The following MUS81 variants were observed in gnomAD, a reference collection of about 807,000 sequenced individuals.
MUS81 encodes MUS81 structure-specific endonuclease subunit.
MUS81 carries 69 observed loss-of-function variants against 74.2 expected under a neutral mutation model. The ratio of observed to expected loss-of-function variants is 0.93; its 90% CI spans 0.77 to 1.14. The LOEUF (loss-of-function observed/expected upper bound fraction) is 1.14. Among genes scored for constraint, MUS81 ranks in the 50% most tolerant of loss-of-function variants. The pLI, the probability that MUS81 is intolerant of heterozygous loss-of-function variation, is 0.00. For synonymous variants in MUS81, 303 were observed against 300.6 expected (o/e 1.01, Z -0.08); for missense variants, 711 against 726.5 (o/e 0.98, Z 0.25).
At chr11:65,865,929 A>G in intron 15 of MUS81, 35 bp downstream of exon 15, 2 of 1,614,048 alleles carry the variant, frequency 1.2e-6, no homozygotes, top group Non-Finnish European at 8.5e-7. Flanking sequence ...AGGGAGTGGC[A>G]GGGACTGGGG....
Position 65,860,788 on chromosome 11 carries a change from C to A in MUS81, c.35C>A (p.Pro12Gln), listed in dbSNP as rs1451830059. 1 of 1,538,928 alleles carries A rather than the reference C, an allele frequency of 6.5e-7. No individual in the cohort carries two copies. Among genetic ancestry groups the A allele is most frequent in the Admixed American group, 2.0e-5 (1 of 51,018 alleles). The change falls in exon 1 of 16, where the codon CCG becomes CAG. Residue 12 changes from proline to glutamine, a missense_variant. By Grantham distance (76) the Pro-to-Gln change is moderately conservative. Coordinates refer to ENST00000308110, the MANE Select transcript of MUS81 (RefSeq NM_025128.5). ...CCGGTCCGCCTGGGCCGGAAGCGCCCGCTGCCTGCCTGTCCCAACCCGCTC... is the reference window on the plus strand; with the variant it reads ...CCGGTCCGCCTGGGCCGGAAGCGCCAGCTGCCTGCCTGTCCCAACCCGCTC... ...AAPVRLGRKR[P>Q]LPACPNPLFV... is the part of the protein sequence containing the mutation.
Position 65,864,530 on chromosome 11 carries a change from G to T in MUS81, c.1093G>T (p.Val365Leu), listed in dbSNP as rs752782707. Residue 365 changes from valine to leucine, a missense_variant, in exon 11 of 16, where the codon GTA becomes TTA. Val to Leu is a conservative substitution (Grantham distance 32, BLOSUM62 1). Transcript: ENST00000308110. ...RLKRCGLERR[V>L]YLVEEHGSVH... ...GAAGCGCTGTGGTCTGGAGCGCCGG[G>T]TATACCTGGTGGAAGAGCATGGTTC... is the stretch of plus-strand genomic sequence containing the variant. The T allele has an allele frequency of 8.1e-6, 13 of 1,614,166 alleles. No individual in the cohort carries two copies. The highest frequency in any genetic ancestry group is 1.1e-5 in the Non-Finnish European group (13 of 1,180,026).
At chr11:65,860,315 T>C (rs1859536449), upstream of MUS81, 1 of 463,542 alleles carries the variant, frequency 2.2e-6, no homozygotes, top group Non-Finnish European at 4.3e-6. Flanking sequence ...TAAGAGACCT[T>C]AGAGCCGCCA....
At position 65,863,470 on chromosome 11, in the gene MUS81, G is replaced by C; in HGVS notation, c.807G>C (p.Val269=). 1 of 1,614,190 alleles carries C rather than the reference G, an allele frequency of 6.2e-7. No homozygotes were observed. The highest frequency in any genetic ancestry group is 8.5e-7 in the Non-Finnish European group (1 of 1,180,022). The change falls in exon 8 of 16, where the codon GTG becomes GTC. Residue 269 remains valine, a synonymous_variant. Coordinates refer to ENST00000308110, the MANE Select transcript of MUS81 (RefSeq NM_025128.5). ...AGCTGAGGCCTGGAGAGTACAGGGT[G>C]CTGTTGTGTGTGGACATTGGCGAGA... ...PLELRPGEYR[V]LLCVDIGETR...
Position 65,865,970 on chromosome 11 carries a change from G to A in MUS81, c.1590-16G>A, listed in dbSNP as rs751760801. 6 of 1,613,964 alleles carry A rather than the reference G, an allele frequency of 3.7e-6. No individual in the cohort carries two copies. In the Admixed American group the frequency reaches 8.3e-5, roughly 22 times the overall value. ...CTAGGCCCAGGGCGTGACCCTCGCT[G>A]CCTCTCTTCCTGCAGGAATCTGGGG... On this transcript the variant is annotated splice_polypyrimidine_tract_variant and intron_variant, in intron 15 of 15. Transcript: ENST00000308110.
At chr11:65,861,500 G>A (rs1156752302) in intron 3 of MUS81, 65 bp downstream of exon 3, 8 of 1,435,956 alleles carry the variant, frequency 5.6e-6, no homozygotes, top group Non-Finnish European at 7.6e-6. Context: ...TTCTGGCTTG[G>A]GGGATTTGGC....
In MUS81 at chr11:65,865,133, C is replaced by G. The variant is rs1322689193; in HGVS notation, c.1389C>G (p.Ala463=). 6.2e-7 allele frequency: 1 copy of G among 1,614,232 alleles called. No homozygotes were observed. Among genetic ancestry groups the G allele is most frequent in the South Asian group, 1.1e-5 (1 of 91,086 alleles). ...LLTFSDFNAG[A]IKNKAQSVRE... ...CCTTCAGTGACTTCAACGCAGGAGC[C>G]ATCAAGAATAAGGTACTGTCTCTGC... is the stretch of plus-strand genomic sequence containing the variant. Residue 463 remains alanine, a synonymous_variant, in exon 13 of 16, where the codon GCC becomes GCG. Transcript: ENST00000308110.
Position 65,862,196 on chromosome 11 carries a change from C to T in MUS81, c.451-15C>T. ...TGGCACTGAGCCTACCCTGTCTTTT[C>T]TACCTTGGTTTCAGAATCCTAATGG... is the stretch of plus-strand genomic sequence containing the variant. On this transcript the variant is annotated splice_polypyrimidine_tract_variant and intron_variant, in intron 4 of 15. Transcript: ENST00000308110. 5 of 1,613,188 alleles carry T rather than the reference C, an allele frequency of 3.1e-6. No homozygotes were observed. Among genetic ancestry groups the T allele is most frequent in the African/African-American group, 1.3e-5 (1 of 75,034 alleles).
Position 65,860,499 on chromosome 11 carries a change from G to T in MUS81, c.-255G>T. ...GCGCGTCTCAAAGGCTGGCTGGAGTGGAGCCAAGGGAAAAGATCGTTAGAG... is the reference window on the plus strand; with the variant it reads ...GCGCGTCTCAAAGGCTGGCTGGAGTTGAGCCAAGGGAAAAGATCGTTAGAG... On this transcript the variant is annotated 5_prime_UTR_variant, in exon 1 of 16. Transcript: ENST00000308110. The T allele has an allele frequency of 1.7e-6, 1 of 582,160 alleles. No individual in the cohort carries two copies. Among genetic ancestry groups the T allele is most frequent in the Non-Finnish European group, 3.1e-6 (1 of 324,022 alleles). 36.1% of individuals were successfully genotyped at this position (582,160 alleles called of 1,614,324 possible).
At position 65,864,852 on chromosome 11, in the gene MUS81, C is replaced by G. The variant is rs755756808; in HGVS notation, c.1272+37C>G. ...CCCCTTTCCCAGTGTCGGGACAGAG[C>G]CCACAAGGAATTCACCTTGCCTGGG... On this transcript the variant is annotated intron_variant, in intron 12 of 15. Coordinates refer to ENST00000308110, the MANE Select transcript of MUS81 (RefSeq NM_025128.5). 7 of 1,595,868 alleles carry G rather than the reference C, an allele frequency of 4.4e-6. No individual in the cohort carries two copies. The East Asian group carries it at 1.6e-4, about 36-fold the overall frequency.
chr11:65,867,110 A>G (rs201815777), downstream of MUS81: 56 of 1,612,420 alleles, frequency 3.5e-5, no homozygotes, highest in East Asian at 1.0e-3. Context: ...GGACATATAT[A>G]TTGTGTCAGC....
chr11:65,860,330 CA>C (rs943247947), upstream of MUS81: 41 of 466,394 alleles, frequency 8.8e-5, no homozygotes, highest in African/African-American at 7.9e-4. Context: ...CCGCCAAGCT[CA>C]GGTTAGTCCG....
At chr11:65,863,987 C>A in intron 10 of MUS81, 86 bp downstream of exon 10, 1 of 1,358,518 alleles carries the variant, frequency 7.4e-7, no homozygotes, top group Non-Finnish European at 1.0e-6. Flanking sequence ...CTTCTGGCAG[C>A]CTCCTTGAGG....
chr11:65,867,457 TCTC>T (rs983657006), downstream of MUS81: 6 of 424,540 alleles, frequency 1.4e-5, no homozygotes, highest in East Asian at 5.0e-5. Flanking sequence ...ACAAACCCCT[TCTC>T]CTGCTGAGAC....
At chr11:65,863,385 TCA>T in intron 7 of MUS81, 23 bp from the exon 8 acceptor site, 1 of 1,613,578 alleles carries the variant, frequency 6.2e-7, no homozygotes, top group South Asian at 1.1e-5. Flanking sequence ...GGTTCTGGCC[TCA>T]CATACCAACA....
At chr11:65,865,553 G>C in intron 14 of MUS81, 4 of 624,584 alleles carry the variant, frequency 6.4e-6, no homozygotes, top group Middle Eastern at 4.4e-4. Context: ...ACCTGGTGGA[G>C]AAGAGGCTTC....
intron 15 of MUS81, 32 bp downstream of exon 15, chr11:65,865,926 G>A: frequency 6.2e-7 from 1 of 1,614,082 alleles, no homozygotes; most frequent in South Asian, 1.1e-5. Flanking sequence ...TGGAGGGAGT[G>A]GCAGGGACTG....
intron 14 of MUS81, 64 bp from the exon 15 acceptor site, chr11:65,865,747 C>T: frequency 6.5e-7 from 1 of 1,531,202 alleles, no homozygotes; most frequent in Middle Eastern, 2.2e-4. Context: ...CTGCCTGGCC[C>T]CTCATGGTGC....
At chr11:65,863,564 C>G (rs1040514540) in intron 8 of MUS81, 36 bp from the exon 9 acceptor site, 1 of 1,613,814 alleles carries the variant, frequency 6.2e-7, no homozygotes, top group Non-Finnish European at 8.5e-7. Context: ...AGGCACTGCC[C>G]TGCTCTGATC....
Sources: gnomAD v4.1 joint callset for allele counts on GRCh38, gnomAD v4.1.1 for gene constraint, MANE v1.5 for transcripts, NCBI Gene and HGNC (gene_info 2026-07-23, HGNC 2026-07-21) for gene names.